KLC1: variants seen among roughly 807,000 people sequenced by gnomAD.
KLC1 encodes the protein kinesin 2 60/70kDa.
KLC1 carries 30 observed loss-of-function variants against 84.2 expected under a neutral mutation model. The ratio of observed to expected loss-of-function variants is 0.36; its 90% CI spans 0.27 to 0.48. The LOEUF is 0.48. Ranked by LOEUF, KLC1 falls within the 20% of genes least tolerant of loss-of-function variation. KLC1 has a pLI of 0.99. For synonymous variants in KLC1, 289 were observed against 293.3 expected (o/e 0.99, Z 0.15); for missense variants, 499 against 805.4 (o/e 0.62, Z 4.60).
chr14:103,661,124 C>G (rs557764006), intron 3 of KLC1, among the ~76,000 whole-genome samples: 2 of 152,242 alleles, frequency 1.3e-5, no homozygotes, highest in South Asian at 2.1e-4. Flanking sequence ...GCGTCTTTCC[C>G]TAGGGTGAGG....
chr14:103,648,772 G>T (rs12897939), intron 1 of KLC1, among the ~76,000 whole-genome samples: 2 of 152,160 alleles, frequency 1.3e-5, no homozygotes, highest in South Asian at 2.1e-4. Context: ...CTGCACTTCA[G>T]CCTGGGTGAC....
chr14:103,658,132 C>T (rs980023943), intron 3 of KLC1, among the ~76,000 whole-genome samples: 2 of 152,184 alleles, frequency 1.3e-5, no homozygotes, highest in Admixed American at 1.3e-4. Flanking sequence ...TTGGCATTGC[C>T]ATTCTCTTTG....
At chr14:103,695,895 A>C (rs1277496648) in intron 15 of KLC1, 1 of 985,238 alleles carries the variant, frequency 1.0e-6, no homozygotes, top group Admixed American at 6.1e-5. Context: ...TGAGTCCCCG[A>C]TGTTTGAACC....
At chr14:103,699,580 TG>T in intron 15 of KLC1, 1 of 1,612,934 alleles carries the variant, frequency 6.2e-7, no homozygotes, top group East Asian at 2.2e-5. Flanking sequence ...AGGTGTCCTG[TG>T]GGGACAGCTG....
At chr14:103,647,222 T>A (rs138243678) in intron 1 of KLC1, among the ~76,000 whole-genome samples, 155 of 152,102 alleles carry the variant, frequency 1.0e-3, no homozygotes, top group African/African-American at 2.9e-3. Flanking sequence ...CAGAAACTTT[T>A]TTTTTATTTT....
At chr14:103,639,587 C>T (rs1466768940) in intron 1 of KLC1, among the ~76,000 whole-genome samples, 1 of 151,244 alleles carries the variant, frequency 6.6e-6, no homozygotes, top group Non-Finnish European at 1.5e-5. Flanking sequence ...GGACCACAGG[C>T]GTGTGCCACC....
chr14:103,630,686 C>A (rs964551310), intron 1 of KLC1, among the ~76,000 whole-genome samples: 1 of 152,136 alleles, frequency 6.6e-6, no homozygotes, highest in Non-Finnish European at 1.5e-5. Flanking sequence ...TGTCAGCAAG[C>A]CTGTTATGGT....
intron 7 of KLC1, among the ~76,000 whole-genome samples, chr14:103,671,526 C>T (rs2080388360): frequency 1.3e-5 from 2 of 152,072 alleles, no homozygotes; most frequent in African/African-American, 4.8e-5. Context: ...TGTGCCACAA[C>T]ACCCGGCTAA....
chr14:103,681,546 G>A (rs1225284667), intron 13 of KLC1, among the ~76,000 whole-genome samples: 5 of 151,516 alleles, frequency 3.3e-5, no homozygotes, highest in Non-Finnish European at 4.4e-5. Context: ...TGCAACCTCT[G>A]CCTCCTGGTT....
At position 103,662,674 on chromosome 14, in the gene KLC1, C is replaced by G. The variant is rs759883946; in HGVS notation, c.572-28C>G. Reference sequence around the variant, plus strand: ...CATCTGGATAATTGTCTTTAAAAACCCATCTGAAGTGAACTTTCTCGGTGC... The same window carrying G: ...CATCTGGATAATTGTCTTTAAAAACGCATCTGAAGTGAACTTTCTCGGTGC... On this transcript the variant is annotated intron_variant, in intron 4 of 16. Coordinates refer to ENST00000334553, the MANE Select transcript of KLC1 (RefSeq NM_001394837.1). 5.3e-6 allele frequency: 8 copies of G among 1,495,590 alleles called. No individual in the cohort carries two copies. In the Admixed American group the frequency reaches 6.8e-5, roughly 13 times the overall value. The allele number at this position is 1,495,590 out of a possible 1,614,324, so 92.6% of individuals were successfully genotyped here.
At chr14:103,660,712 A>T (rs961312283) in intron 3 of KLC1, among the ~76,000 whole-genome samples, 3 of 151,892 alleles carry the variant, frequency 2.0e-5, no homozygotes, top group African/African-American at 7.3e-5. Context: ...AATTGTTTGA[A>T]CCTGGGAGTT....
intron 9 of KLC1, among the ~76,000 whole-genome samples, chr14:103,675,149 C>T (rs1271951381): frequency 6.6e-6 from 1 of 151,974 alleles, no homozygotes; most frequent in Non-Finnish European, 1.5e-5. Context: ...ATGACGAAAC[C>T]CCATCTCTAC....
chr14:103,662,659 A>G (rs2079394853), intron 4 of KLC1, 43 bp from the exon 5 acceptor site: 1 of 1,428,020 alleles, frequency 7.0e-7, no homozygotes, highest in Admixed American at 2.3e-5. Flanking sequence ...CATCTGGATA[A>G]TTGTCTTTAA....
intron 1 of KLC1, among the ~76,000 whole-genome samples, chr14:103,634,555 C>G (rs75328966): frequency 0.012 from 1,751 of 152,012 alleles, 29 homozygotes; most frequent in African/African-American, 0.04. Context: ...TATCGTTGAG[C>G]CAGTCGGGTG....
intron 15 of KLC1, chr14:103,699,641 G>T: frequency 2.6e-6 from 4 of 1,536,252 alleles, no homozygotes; most frequent in Non-Finnish European, 3.6e-6. Context: ...ACCAGACCCC[G>T]TTTGGACTGT....
At chr14:103,700,583 G>A (rs1047212851) in intron 15 of KLC1, 72 bp from the exon 16 acceptor site, 84 of 1,253,822 alleles carry the variant, frequency 6.7e-5, no homozygotes, top group Non-Finnish European at 8.5e-5. Flanking sequence ...CTGGTGTCAC[G>A]CCCGGAGCTC....
chr14:103,677,309 T>A, intron 11 of KLC1, 106 bp from the exon 12 acceptor site: 1 of 748,706 alleles, frequency 1.3e-6, no homozygotes, highest in Non-Finnish European at 2.3e-6. Flanking sequence ...TTAAAATATA[T>A]TCAAGCCAAA....
intron 13 of KLC1, chr14:103,685,497 G>A: frequency 7.9e-7 from 1 of 1,262,912 alleles, no homozygotes; most frequent in African/African-American, 1.5e-5. Context: ...CAGGCAGAAG[G>A]TCATCCCAGT....
chr14:103,652,107 C>T (rs1270932429), intron 1 of KLC1, among the ~76,000 whole-genome samples: 1 of 152,196 alleles, frequency 6.6e-6, no homozygotes. Flanking sequence ...TATGTTGCAT[C>T]ATTTGGATAT....
Sources: gnomAD v4.1 joint callset for allele counts (sites outside exome capture counted in the v4.1 genomes callset) on GRCh38, gnomAD v4.1.1 for gene constraint, MANE v1.5 for transcripts, NCBI Gene and HGNC (gene_info 2026-07-23, HGNC 2026-07-21) for gene names.